HSF1: variants seen among roughly 807,000 people sequenced by gnomAD.
The protein encoded by HSF1 is heat shock factor protein 1.
HSF1 carries 32 observed loss-of-function variants against 51.7 expected under a neutral mutation model. That is an observed-to-expected ratio of 0.62 (90% CI 0.47 to 0.83). HSF1 has a LOEUF of 0.83. Among genes scored for constraint, HSF1 ranks in the 40% least tolerant of loss-of-function variants. The probability of loss-of-function intolerance (pLI) is 0.00; values close to 1 mark genes in which losing one functional copy is unlikely to be tolerated. For synonymous variants in HSF1, 396 were observed against 309.7 expected, an observed-to-expected ratio of 1.28 and a Z score of -2.92; for missense variants, 727 against 717.0, an observed-to-expected ratio of 1.01 and a Z score of -0.16.
rs1816485386 is a variant in HSF1, at chr8:144,309,851, A to AG, written c.447dup (p.Lys150GlufsTer15). 1 of 1,613,758 alleles carries AG rather than the reference A, an allele frequency of 6.2e-7. No homozygotes were observed. The highest frequency in any genetic ancestry group is 8.5e-7 in the Non-Finnish European group (1 of 1,179,982). On this transcript the variant is annotated frameshift_variant, in exon 4 of 13. Coordinates refer to ENST00000528838, the MANE Select transcript of HSF1 (RefSeq NM_005526.4). LOFTEE classifies it high-confidence loss of function. ...CTGCTGACGGACGTGCAGCTGATGA[A>AG]GGGGAAGCAGGAGTGCATGGACTCC...
chr8:144,306,293 C>A (rs1816226744), intron 1 of HSF1, among the ~76,000 whole-genome samples: 1 of 149,826 alleles, frequency 6.7e-6, no homozygotes, highest in African/African-American at 2.5e-5. Context: ...TTTTTTTTTC[C>A]CGTGTATGGG....
intron 1 of HSF1, among the ~76,000 whole-genome samples, chr8:144,295,385 C>T (rs1815384517): frequency 6.6e-6 from 1 of 152,222 alleles, no homozygotes; most frequent in Non-Finnish European, 1.5e-5. Flanking sequence ...GAGATTACAG[C>T]CCCAGGAGCC....
At position 144,291,772 on chromosome 8, in the gene HSF1, G is replaced by C. The variant is rs1815101480; in HGVS notation, c.15G>C (p.Val5=). Residue 5 remains valine (V), a synonymous_variant, in exon 1 of 13, where the codon GTG becomes GTC. Transcript: ENST00000528838. This position sits in a 1 kb window ranked among gnomAD's most constrained non-coding sequence, Gnocchi z 4.1. ...CCTTGCTCGAGATGGATCTGCCCGT[G>C]GGCCCCGGCGCGGCGGGGCCCAGCA... MDLP[V]GPGAAGPSNV... 6.6e-7 allele frequency: 1 copy of C among 1,526,510 alleles called. No homozygotes were observed. The highest frequency in any genetic ancestry group is 1.4e-5 in the African/African-American group (1 of 69,194). 94.6% of individuals were successfully genotyped at this position (1,526,510 alleles called of 1,614,324 possible). A position where few individuals can be genotyped will look rare whatever the true frequency, so the allele number is the denominator to read the frequency against.
At position 144,309,000 on chromosome 8, in the gene HSF1, G is replaced by A; in HGVS notation, c.212G>A (p.Arg71Gln). The A allele has an allele frequency of 6.2e-7, 1 of 1,613,578 alleles. No individual in the cohort carries two copies. ...CACAACAACATGGCCAGCTTCGTGC[G>A]GCAGCTCAACATGTGTGAGTGCTGC... The part of the protein sequence containing the change: ...FKHNNMASFV[R>Q]QLNMYGFRKV... The change falls in exon 2 of 13, where the codon CGG (arginine) becomes CAG (glutamine). Residue 71 changes from arginine to glutamine, a missense_variant. Physicochemically the swap from Arg to Gln is conservative, Grantham distance 43. Coordinates refer to ENST00000528838, the MANE Select transcript of HSF1 (RefSeq NM_005526.4).
intron 4 of HSF1, chr8:144,310,933 T>G: frequency 3.5e-6 from 2 of 570,232 alleles, no homozygotes. Flanking sequence ...CTCGCATGGA[T>G]CCATCCCCAA....
intron 1 of HSF1, among the ~76,000 whole-genome samples, chr8:144,300,058 C>T (rs1272250128): frequency 5.9e-5 from 9 of 152,322 alleles, no homozygotes; most frequent in African/African-American, 2.2e-4. Context: ...TAACTCCTCA[C>T]TCCAGAAGCC....
chr8:144,298,562 G>A (rs79636093), intron 1 of HSF1, among the ~76,000 whole-genome samples: 2,561 of 150,478 alleles, frequency 0.017, 49 homozygotes, highest in Admixed American at 0.045. Context: ...CCGAGATTGC[G>A]CCGCTGCGCT....
Position 144,314,525 on chromosome 8 carries a change from A to T in HSF1, c.*195A>T. On this transcript the variant is annotated 3_prime_UTR_variant, in exon 13 of 13. Transcript: ENST00000528838. ...TGGCCTGCCAGTCTGCCTTCCCCCA[A>T]CCCCGTGTCCTGTGGTTTGGTTGGG... 1.7e-6 allele frequency: 1 copy of T among 597,828 alleles called. No homozygotes were observed. The highest frequency in any genetic ancestry group is 2.1e-5 in the South Asian group (1 of 48,708). 37.0% of individuals were successfully genotyped at this position (597,828 alleles called of 1,614,324 possible).
Position 144,291,633 on chromosome 8 carries a change from C to G in HSF1, c.-125C>G. 1 of 510,924 alleles carries G rather than the reference C, an allele frequency of 2.0e-6. No individual in the cohort carries two copies. The highest frequency in any genetic ancestry group is 2.9e-5 in the South Asian group (1 of 34,346). 31.6% of individuals were successfully genotyped at this position (510,924 alleles called of 1,614,324 possible). A position where few individuals can be genotyped will look rare whatever the true frequency, so the allele number is the denominator to read the frequency against. ...GCAAGATGGCGGCGGCCATGCTGGG[C>G]CCCGGGGCTGTGTGTGCGCAGCGGG... On this transcript the variant is annotated 5_prime_UTR_variant, in exon 1 of 13. Transcript: ENST00000528838. The surrounding 1 kb of genome is among the most constrained non-coding windows in gnomAD (Gnocchi z 4.1).
chr8:144,313,604 T>TGCCCTGCTGGACGTGAGTGGA lies in HSF1; in HGVS notation c.1241_1248+13dup. ...GCCACGGCTTCAGCGTGGACACCAG[T>TGCCCTGCTGGACGTGAGTGGA]GCCCTGCTGGACGTGAGTGGAGCCC... On this transcript the variant is annotated inframe_insertion, in exon 10 of 13. Transcript: ENST00000528838. 6.3e-7 allele frequency: 1 copy of TGCCCTGCTGGACGTGAGTGGA among 1,598,358 alleles called. No homozygotes were observed. Among genetic ancestry groups the TGCCCTGCTGGACGTGAGTGGA allele is most frequent in the South Asian group, 1.1e-5 (1 of 90,646 alleles).
In HSF1 at chr8:144,311,987, G is replaced by A; in HGVS notation, c.885G>A (p.Val295=). The A allele has an allele frequency of 3.1e-6, 5 of 1,592,616 alleles. No homozygotes were observed. The highest frequency in any genetic ancestry group is 4.3e-6 in the Non-Finnish European group (5 of 1,170,096). The change falls in exon 9 of 13, where the codon GTG becomes GTA. Residue 295 remains valine (V), a synonymous_variant. Transcript: ENST00000528838. ...DERPLSSSPL[V]RVKEEPPSPP... Reference sequence around the variant, plus strand: ...GGCCCCTATCCAGCAGCCCCCTGGTGCGTGTCAAGGAGGAGCCCCCCAGCC... The same window carrying A: ...GGCCCCTATCCAGCAGCCCCCTGGTACGTGTCAAGGAGGAGCCCCCCAGCC...
intron 1 of HSF1, among the ~76,000 whole-genome samples, chr8:144,296,894 C>T (rs531697960): frequency 1.3e-5 from 2 of 150,584 alleles, no homozygotes; most frequent in African/African-American, 4.9e-5. Flanking sequence ...TGTGCTGTAG[C>T]CTCCTGTGTT....
chr8:144,296,584 A>G (rs1213015102), intron 1 of HSF1, among the ~76,000 whole-genome samples: 1 of 152,142 alleles, frequency 6.6e-6, no homozygotes, highest in Non-Finnish European at 1.5e-5. Context: ...GGATCACGAG[A>G]TCAGGAGGTC....
intron 1 of HSF1, among the ~76,000 whole-genome samples, chr8:144,305,977 C>A (rs1744028713): frequency 6.6e-6 from 1 of 152,078 alleles, no homozygotes; most frequent in Non-Finnish European, 1.5e-5. Flanking sequence ...GGTGATCCGC[C>A]TGCCTTGGCC....
At chr8:144,301,810 A>T (rs1815901893) in intron 1 of HSF1, among the ~76,000 whole-genome samples, 2 of 151,334 alleles carry the variant, frequency 1.3e-5, no homozygotes, top group Admixed American at 1.3e-4. Context: ...GCTTGCAGTG[A>T]GCCGAGATCG....
chr8:144,313,889 A>G lies in HSF1; in HGVS notation c.1292A>G (p.Asp431Gly). The change falls in exon 11 of 13, where the codon GAC becomes GGC. Residue 431 changes from aspartate (D) to glycine (G), a missense_variant. By Grantham distance (94) the Asp-to-Gly change is moderately conservative. Around this residue, in one of 2 missense-constraint regions of HSF1, gnomAD observed 470 missense variants for 398.8 expected, o/e 1.18. Transcript: ENST00000528838. ...ACCGTGCCCGACATGAGCCTGCCTG[A>G]CCTTGACAGCAGCCTGGCCAGTGTG... ...SVTVPDMSLP[D>G]LDSSLASIQE... 1 of 1,605,650 alleles carries G rather than the reference A, an allele frequency of 6.2e-7. No individual in the cohort carries two copies. The highest frequency in any genetic ancestry group is 8.5e-7 in the Non-Finnish European group (1 of 1,178,260).
In HSF1 at chr8:144,312,166, C is replaced by G; in HGVS notation, c.1064C>G (p.Thr355Arg). ...VTALTDARGH[T>R]DTEGRPPSPP... ...GCCCTCACGGACGCCAGGGGCCACACGGACACCGAGGGCCGGCCTCCCTCC... is the reference window on the plus strand; with the variant it reads ...GCCCTCACGGACGCCAGGGGCCACAGGGACACCGAGGGCCGGCCTCCCTCC... Residue 355 changes from threonine (T) to arginine (R), a missense_variant, in exon 9 of 13, where the codon ACG (threonine) becomes AGG (arginine). Physicochemically the swap from Thr to Arg is moderately conservative, Grantham distance 71. This residue lies in a region of HSF1 where 470 missense variants were observed against 398.8 expected (regional missense o/e 1.18). Coordinates refer to ENST00000528838, the MANE Select transcript of HSF1 (RefSeq NM_005526.4). The G allele has an allele frequency of 6.2e-7, 1 of 1,608,924 alleles. No homozygotes were observed. Among genetic ancestry groups the G allele is most frequent in the South Asian group, 1.1e-5 (1 of 91,000 alleles).
chr8:144,296,737 G>T (rs1435227517), intron 1 of HSF1, among the ~76,000 whole-genome samples: 2 of 152,018 alleles, frequency 1.3e-5, no homozygotes, highest in Non-Finnish European at 2.9e-5. Flanking sequence ...AACCCAGGAG[G>T]CGGGGCTTGC....
rs1816871358 is a variant in HSF1, at chr8:144,313,643, CCCCGCCCCGCCTCCCCGCCG to C, written c.1248+29_1248+48del. The C allele has an allele frequency of 1.2e-4, 45 of 384,144 alleles. 1 individual carries two copies. The African/African-American group carries it at 1.7e-3, about 14-fold the overall frequency. 23.8% of individuals were successfully genotyped at this position (384,144 alleles called of 1,614,324 possible). A position where few individuals can be genotyped will look rare whatever the true frequency, so the allele number is the denominator to read the frequency against. On this transcript the variant is annotated intron_variant, in intron 10 of 12. Coordinates refer to ENST00000528838, the MANE Select transcript of HSF1 (RefSeq NM_005526.4). ...TGAGTGGAGCCCCGCCGCCCCGCCT[CCCCGCCCCGCCTCCCCGCCG>C]CGCCGCCCCGCCTCCCCGCCCCGCC...
Sources: gnomAD v4.1 joint callset for allele counts (sites outside exome capture counted in the v4.1 genomes callset) on GRCh38, gnomAD v4.1.1 for gene constraint, gnomAD v4.1.1 regional missense constraint, Gnocchi (gnomAD v3.1) non-coding constraint, MANE v1.5 for transcripts, NCBI Gene and HGNC (gene_info 2026-07-23, HGNC 2026-07-21) for gene names.